The following ZNG1A variants were observed in gnomAD, a reference collection of about 807,000 sequenced individuals.
ZNG1A encodes Zn regulated GTPase metalloprotein activator 1A.
chr9:133,845 C>T, the ZNG1A span, among the ~76,000 whole-genome samples: 1 of 151,988 alleles, frequency 6.6e-6, no homozygotes, highest in Non-Finnish European at 1.5e-5. Context: ...AACGTATAGA[C>T]TCATGCCAGG....
chr9:120,848 A>G, the ZNG1A span, among the ~76,000 whole-genome samples: 1 of 152,246 alleles, frequency 6.6e-6, no homozygotes, highest in Admixed American at 6.5e-5. Context: ...CCTTTGCAGA[A>G]GAATTTCAAT....
At chr9:167,746 G>C in the ZNG1A span, 1 of 149,592 alleles carries the variant, frequency 6.7e-6, no homozygotes, top group South Asian at 2.2e-4. Context: ...GAAAGGAACA[G>C]TCACCTGTTT....
At chr9:161,762 T>C in the ZNG1A span, 3 of 514,792 alleles carry the variant, frequency 5.8e-6, no homozygotes, top group Non-Finnish European at 1.0e-5. Context: ...TCTAGGACCT[T>C]AGAAGTTAAC....
chr9:141,564 C>A, the ZNG1A span, among the ~76,000 whole-genome samples: 1 of 151,064 alleles, frequency 6.6e-6, no homozygotes, highest in Non-Finnish European at 1.5e-5. Flanking sequence ...AAAGGAACAA[C>A]CGGTACCAGC....
chr9:132,346 C>A, the ZNG1A span, among the ~76,000 whole-genome samples: 1 of 111,394 alleles, frequency 9.0e-6, no homozygotes, highest in Admixed American at 9.9e-5. Context: ...GAAACCCCAT[C>A]TCTACTAAAA....
chr9:170,902 T>C, the ZNG1A span, among the ~76,000 whole-genome samples: 1 of 144,302 alleles, frequency 6.9e-6, no homozygotes, highest in African/African-American at 2.6e-5. Flanking sequence ...TTTCTTCCTC[T>C]GAAAAGCTGA....
the ZNG1A span, chr9:163,882 A>C: frequency 9.2e-7 from 1 of 1,085,644 alleles, no homozygotes; most frequent in Non-Finnish European, 1.4e-6. Flanking sequence ...ATGCCACTGC[A>C]CTCCATGCAC....
At chr9:130,038 G>T in the ZNG1A span, among the ~76,000 whole-genome samples, 3 of 151,006 alleles carry the variant, frequency 2.0e-5, no homozygotes, top group Admixed American at 6.6e-5. Context: ...AAATAATAAC[G>T]CAATGGTAAG....
chr9:130,037 C>T, the ZNG1A span, among the ~76,000 whole-genome samples: 5 of 151,194 alleles, frequency 3.3e-5, no homozygotes, highest in East Asian at 1.9e-4. Context: ...GAAATAATAA[C>T]GCAATGGTAA....
At chr9:177,168 G>A in the ZNG1A span, among the ~76,000 whole-genome samples, 6 of 152,252 alleles carry the variant, frequency 3.9e-5, no homozygotes, top group African/African-American at 1.4e-4. Flanking sequence ...CATTGTGCGG[G>A]GCCAATTTGG....
At chr9:155,778 A>C in the ZNG1A span, among the ~76,000 whole-genome samples, 1 of 151,688 alleles carries the variant, frequency 6.6e-6, no homozygotes, top group East Asian at 1.9e-4. Context: ...TTCTATAATA[A>C]CCATATTTTC....
At chr9:126,618 C>A in the ZNG1A span, among the ~76,000 whole-genome samples, 173 of 152,096 alleles carry the variant, frequency 1.1e-3, no homozygotes, top group African/African-American at 4.0e-3. Flanking sequence ...ATCTTGCTAA[C>A]GGTCTATCAA....
At chr9:148,721 C>CTA in the ZNG1A span, 1 of 147,544 alleles carries the variant, frequency 6.8e-6, no homozygotes, top group Non-Finnish European at 1.5e-5. Context: ...CCAGAAGTAC[C>CTA]TAATGTTTTT....
At chr9:175,327 G>A in the ZNG1A span, among the ~76,000 whole-genome samples, 1 of 151,674 alleles carries the variant, frequency 6.6e-6, no homozygotes, top group South Asian at 2.1e-4. Context: ...GCAGTGAGCT[G>A]AGATTGCACC....
the ZNG1A span, among the ~76,000 whole-genome samples, chr9:178,523 G>GT: frequency 9.0e-6 from 1 of 111,424 alleles, no homozygotes; most frequent in African/African-American, 2.7e-5. Flanking sequence ...AGATAACTTG[G>GT]TAAGAGGTCA....
the ZNG1A span, among the ~76,000 whole-genome samples, chr9:130,190 A>G: frequency 2.7e-5 from 4 of 149,968 alleles, no homozygotes; most frequent in African/African-American, 1.0e-4. Context: ...AGCATAAGGT[A>G]ATAATAATAT....
the ZNG1A span, among the ~76,000 whole-genome samples, chr9:174,152 A>G: frequency 6.6e-6 from 1 of 151,820 alleles, no homozygotes; most frequent in East Asian, 1.9e-4. Flanking sequence ...ATCTCAAAAA[A>G]AAAAAAAAAC....
At chr9:127,327 T>C in the ZNG1A span, among the ~76,000 whole-genome samples, 4 of 152,068 alleles carry the variant, frequency 2.6e-5, no homozygotes, top group African/African-American at 9.7e-5. Context: ...ATTTTTTAGG[T>C]CTATTAGTAA....
chr9:152,286 T>C, the ZNG1A span, among the ~76,000 whole-genome samples: 1 of 152,112 alleles, frequency 6.6e-6, no homozygotes, highest in Non-Finnish European at 1.5e-5. Context: ...TATATTCCAC[T>C]CATACATTAA....
Sources: allele counts gnomAD v4.1 joint callset (sites outside exome capture counted in the v4.1 genomes callset), GRCh38; gene constraint gnomAD v4.1.1; transcripts MANE v1.5; gene names NCBI Gene and HGNC (gene_info 2026-07-23, HGNC 2026-07-21).